The following TTBK1 variants were observed in gnomAD, a reference collection of about 807,000 sequenced individuals.
The protein encoded by TTBK1 is tau-tubulin kinase 1.
In TTBK1, 34 loss-of-function variants were observed where a neutral mutation model predicts 108.5. The observed-to-expected ratio is 0.31, with a 90% CI of 0.24 to 0.42. The LOEUF is 0.42. TTBK1 is among the 10% of genes least tolerant of loss of function. The probability of loss-of-function intolerance (pLI) is 1.00; values close to 1 mark genes in which losing one functional copy is unlikely to be tolerated. For missense variants in TTBK1, 1,539 were observed against 1,826.0 expected, an observed-to-expected ratio of 0.84 and a Z score of 2.86; for synonymous variants, 809 against 795.1, an observed-to-expected ratio of 1.02 and a Z score of -0.29.
intron 13 of TTBK1, among the ~76,000 whole-genome samples, chr6:43,277,913 G>C (rs1778052803): frequency 6.6e-6 from 1 of 152,210 alleles, no homozygotes; most frequent in Admixed American, 6.5e-5. Context: ...GGCAGTTTCT[G>C]AGAGAGGAGG....
At position 43,283,471 on chromosome 6, in the gene TTBK1, A is replaced by C; in HGVS notation, c.2731A>C (p.Thr911Pro). ...GAGLGAGTVT[T>P]GVGGVAVTSS... ...AGGGCTGGGGGCCGGGACAGTGACC[A>C]CAGGGGTCGGGGGCGTGGCAGTCAC... is the stretch of plus-strand genomic sequence containing the variant. The change falls in exon 14 of 15, where the codon ACA (threonine) becomes CCA (proline). Residue 911 changes from threonine to proline, a missense_variant. This residue lies in a region of TTBK1 where 1,055 missense variants were observed against 1,086.5 expected (regional missense o/e 0.97). Coordinates refer to ENST00000259750, the MANE Select transcript of TTBK1 (RefSeq NM_032538.3). The surrounding 1 kb of genome is among the most constrained non-coding windows in gnomAD (Gnocchi z 8.1). 7.4e-6 allele frequency: 12 copies of C among 1,614,092 alleles called. No individual in the cohort carries two copies. Among genetic ancestry groups the C allele is most frequent in the Non-Finnish European group, 1.0e-5 (12 of 1,179,966 alleles).
In TTBK1 at chr6:43,283,961, C is replaced by T. The variant is rs756275260; in HGVS notation, c.3221C>T (p.Ser1074Leu). The T allele has an allele frequency of 1.2e-5, 20 of 1,612,158 alleles. No homozygotes were observed. Among genetic ancestry groups the T allele is most frequent in the Non-Finnish European group, 1.4e-5 (17 of 1,179,162 alleles). ...GGCTCGGAGCCCTCAGGCTCACTGT[C>T]GGCCAAAGAGCGGTGGAGCAAGCGG... Reference protein sequence around the residue: ...DTGSEPSGSLSAKERWSKRAR... With the variant: ...DTGSEPSGSLLAKERWSKRAR... The change falls in exon 14 of 15, where the codon TCG becomes TTG. Residue 1074 changes from serine (S) to leucine (L), a missense_variant. Ser to Leu is a moderately radical substitution (Grantham distance 145, BLOSUM62 -2). Coordinates refer to ENST00000259750, the MANE Select transcript of TTBK1 (RefSeq NM_032538.3). The surrounding 1 kb of genome is among the most constrained non-coding windows in gnomAD (Gnocchi z 8.1).
At chr6:43,247,416 T>C (rs1777123467) in intron 2 of TTBK1, among the ~76,000 whole-genome samples, 1 of 152,092 alleles carries the variant, frequency 6.6e-6, no homozygotes, top group Non-Finnish European at 1.5e-5. Context: ...GCTGGGGGAA[T>C]GATAGTATTT....
Position 43,283,488 on chromosome 6 carries a change from G to A in TTBK1, c.2748G>A (p.Val916=). The change falls in exon 14 of 15, where the codon GTG becomes GTA. Residue 916 remains valine (V), a synonymous_variant. Transcript: ENST00000259750. This position sits in a 1 kb window ranked among gnomAD's most constrained non-coding sequence, Gnocchi z 8.1. ...CAGTGACCACAGGGGTCGGGGGCGT[G>A]GCAGTCACCTCCTCACCCTTCACCA... is the stretch of plus-strand genomic sequence containing the variant. The part of the protein sequence containing the change: ...AGTVTTGVGG[V]AVTSSPFTKV... The A allele has an allele frequency of 6.2e-7, 1 of 1,614,124 alleles. No homozygotes were observed. The highest frequency in any genetic ancestry group is 8.5e-7 in the Non-Finnish European group (1 of 1,179,986).
At chr6:43,266,671 C>A (rs1777684965) in intron 13 of TTBK1, among the ~76,000 whole-genome samples, 1 of 151,750 alleles carries the variant, frequency 6.6e-6, no homozygotes, top group Non-Finnish European at 1.5e-5. Flanking sequence ...GGCTGGAGTG[C>A]AATGGCGTGA....
intron 2 of TTBK1, among the ~76,000 whole-genome samples, chr6:43,247,594 G>A (rs530878433): frequency 6.6e-6 from 1 of 152,130 alleles, no homozygotes; most frequent in Non-Finnish European, 1.5e-5. Flanking sequence ...GGAGCCAGGG[G>A]GAGGGGAGGG....
At chr6:43,249,392 G>A (rs1267888031) in intron 2 of TTBK1, among the ~76,000 whole-genome samples, 1 of 152,078 alleles carries the variant, frequency 6.6e-6, no homozygotes, top group Non-Finnish European at 1.5e-5. Context: ...GAGACTGAGA[G>A]AATATTCCTA....
chr6:43,285,514 G>T lies in TTBK1; in HGVS notation c.*138G>T, dbSNP rs1778352326. The T allele has an allele frequency of 6.2e-6, 7 of 1,123,776 alleles. No individual in the cohort carries two copies. The highest frequency in any genetic ancestry group is 7.8e-6 in the Non-Finnish European group (7 of 896,550). The allele number at this position is 1,123,776 out of a possible 1,614,324, so 69.6% of individuals were successfully genotyped here. ...CGGCCCCAGCTTTCCGCCTGCACCC[G>T]CGAGGACGCGCGCGAGCACACGCGG... On this transcript the variant is annotated 3_prime_UTR_variant, in exon 15 of 15. Transcript: ENST00000259750. The surrounding 1 kb of genome is among the most constrained non-coding windows in gnomAD (Gnocchi z 4.7).
At position 43,286,063 on chromosome 6, in the gene TTBK1, T is replaced by C. The variant is rs1034022260; in HGVS notation, c.*687T>C. The stretch of plus-strand genomic sequence containing the variant: ...TCCTGGACAACTCGGTGAGAGGCAG[T>C]GGGCAAGTGATCTTGGAGATGGGTG... On this transcript the variant is annotated 3_prime_UTR_variant, in exon 15 of 15. Transcript: ENST00000259750. This position sits in a 1 kb window ranked among gnomAD's most constrained non-coding sequence, Gnocchi z 4.6. 1 of 152,740 alleles carries C rather than the reference T, an allele frequency of 6.5e-6. No individual in the cohort carries two copies. Among genetic ancestry groups the C allele is most frequent in the African/African-American group, 2.4e-5 (1 of 41,398 alleles). The allele number at this position is 152,740 out of a possible 1,614,324, so 9.5% of individuals were successfully genotyped here.
chr6:43,279,873 G>A (rs1056219299), intron 13 of TTBK1, among the ~76,000 whole-genome samples: 27 of 151,738 alleles, frequency 1.8e-4, no homozygotes, highest in African/African-American at 6.3e-4. Flanking sequence ...TCAGCCTCTC[G>A]AGTAGCTGGG....
At position 43,273,963 on chromosome 6, in the gene TTBK1, G is replaced by A. The variant is rs927075251; in HGVS notation, c.1987-8764G>A. On this transcript the variant is annotated intron_variant, in intron 13 of 14. Coordinates refer to ENST00000259750, the MANE Select transcript of TTBK1 (RefSeq NM_032538.3). The surrounding 1 kb of genome is among the most constrained non-coding windows in gnomAD (Gnocchi z 4.2). ...GAACTCGAACCTGGCCAGTGGGGATGTGTGGTGTGTGCTGTGTTTATACAT... is the reference window on the plus strand; with the variant it reads ...GAACTCGAACCTGGCCAGTGGGGATATGTGGTGTGTGCTGTGTTTATACAT... Among the ~76,000 whole-genome samples, 1 of 152,268 alleles carries A rather than the reference G, an allele frequency of 6.6e-6. No individual in the cohort carries two copies. Among genetic ancestry groups the A allele is most frequent in the African/African-American group, 2.4e-5 (1 of 41,548 alleles).
Position 43,257,847 on chromosome 6 carries a change from G to A in TTBK1, c.897G>A (p.Glu299=), listed in dbSNP as rs771526186. Residue 299 remains glutamate (E), a synonymous_variant, in exon 10 of 15, where the codon GAG becomes GAA. Coordinates refer to ENST00000259750, the MANE Select transcript of TTBK1 (RefSeq NM_032538.3). This position sits in a 1 kb window ranked among gnomAD's most constrained non-coding sequence, Gnocchi z 4.5. ...IMSVFENSMK[E]RGIAENEAFD... ...CAGTGTTTGAGAACAGCATGAAGGA[G>A]AGGGGCATTGCCGAGAATGAGGCCT... The A allele has an allele frequency of 8.1e-6, 13 of 1,613,892 alleles. No homozygotes were observed. Among genetic ancestry groups the A allele is most frequent in the Non-Finnish European group, 1.1e-5 (13 of 1,180,024 alleles).
At position 43,265,234 on chromosome 6, in the gene TTBK1, G is replaced by A. The variant is rs1345934865; in HGVS notation, c.1986+1884G>A. On this transcript the variant is annotated intron_variant, in intron 13 of 14. Transcript: ENST00000259750. This position sits in a 1 kb window ranked among gnomAD's most constrained non-coding sequence, Gnocchi z 4.1. The stretch of plus-strand genomic sequence containing the variant: ...CTAGGTGGCTCTGGGAGGTGCCCAG[G>A]TGTTGGGCCAGGGGCCAGTTCTACC... Among the ~76,000 whole-genome samples the A allele has an allele frequency of 2.6e-5, 4 of 152,200 alleles. No individual in the cohort carries two copies. Among genetic ancestry groups the A allele is most frequent in the African/African-American group, 9.6e-5 (4 of 41,458 alleles).
rs1207230293 is a variant in TTBK1 at position 43,257,275 on chromosome 6, C to G, written c.862-537C>G. Reference sequence around the variant, plus strand: ...AAAGCCACACAGCTGCGAGCACCCCCCAGGCTGGGGCCCTGTGCTGGCTGC... The same window carrying G: ...AAAGCCACACAGCTGCGAGCACCCCGCAGGCTGGGGCCCTGTGCTGGCTGC... On this transcript the variant is annotated intron_variant, in intron 9 of 14. Coordinates refer to ENST00000259750, the MANE Select transcript of TTBK1 (RefSeq NM_032538.3). The surrounding 1 kb of genome is among the most constrained non-coding windows in gnomAD (Gnocchi z 4.5). Among the ~76,000 whole-genome samples the G allele has an allele frequency of 1.3e-5, 2 of 152,330 alleles. No homozygotes were observed. The highest frequency in any genetic ancestry group is 2.1e-4 in the South Asian group (1 of 4,826).
intron 13 of TTBK1, among the ~76,000 whole-genome samples, chr6:43,264,149 AG>A (rs1477074382): frequency 6.6e-6 from 1 of 152,206 alleles, no homozygotes; most frequent in East Asian, 1.9e-4. Flanking sequence ...TGGGAGGCCA[AG>A]GTGGGCAGAT....
chr6:43,279,255 C>G (rs1489321807), intron 13 of TTBK1, among the ~76,000 whole-genome samples: 1 of 152,118 alleles, frequency 6.6e-6, no homozygotes, highest in Non-Finnish European at 1.5e-5. Flanking sequence ...GCGGGGGATC[C>G]CATCCTCTAC....
In TTBK1 at chr6:43,263,790, G is replaced by A. The variant is rs1259684774; in HGVS notation, c.1986+440G>A. Among the ~76,000 whole-genome samples, 1 of 152,222 alleles carries A rather than the reference G, an allele frequency of 6.6e-6. No individual in the cohort carries two copies. Among genetic ancestry groups the A allele is most frequent in the East Asian group, 1.9e-4 (1 of 5,196 alleles). ...CTGCAGGTTTGGTGAGCCACTGAAG[G>A]CTTTTAAACAGGAGTGCAATATGAT... On this transcript the variant is annotated intron_variant, in intron 13 of 14. Coordinates refer to ENST00000259750, the MANE Select transcript of TTBK1 (RefSeq NM_032538.3). This position sits in a 1 kb window ranked among gnomAD's most constrained non-coding sequence, Gnocchi z 4.7.
In TTBK1 at chr6:43,282,459, C is replaced by G. The variant is rs1380126639; in HGVS notation, c.1987-268C>G. 6.6e-6 allele frequency among the ~76,000 whole-genome samples: 1 copy of G among 152,208 alleles called. No individual in the cohort carries two copies. The highest frequency in any genetic ancestry group is 2.4e-5 in the African/African-American group (1 of 41,448). On this transcript the variant is annotated intron_variant, in intron 13 of 14. Coordinates refer to ENST00000259750, the MANE Select transcript of TTBK1 (RefSeq NM_032538.3). The surrounding 1 kb of genome is among the most constrained non-coding windows in gnomAD (Gnocchi z 5.4). Reference sequence around the variant, plus strand: ...TGGGAGGCAGAAAGGCCACCAGGATCAGGGCCTGGGACTTCAGGGGACCTA... The same window carrying G: ...TGGGAGGCAGAAAGGCCACCAGGATGAGGGCCTGGGACTTCAGGGGACCTA...
At position 43,283,708 on chromosome 6, in the gene TTBK1, G is replaced by A. The variant is rs759480554; in HGVS notation, c.2968G>A (p.Gly990Arg). 6.2e-7 allele frequency: 1 copy of A among 1,613,942 alleles called. No individual in the cohort carries two copies. Among genetic ancestry groups the A allele is most frequent in the South Asian group, 1.1e-5 (1 of 91,090 alleles). ...CGGCCTCGCCCTGTCAGGGCTGAAT[G>A]GGGCTGAGATAGAGGGCTCTGCCCT... ...ENGLALSGLN[G>R]AEIEGSALSG... is the part of the protein sequence containing the mutation. Residue 990 changes from glycine to arginine, a missense_variant, in exon 14 of 15, where the codon GGG (glycine) becomes AGG (arginine). Around this residue, in one of 5 missense-constraint regions of TTBK1, gnomAD observed 1,055 missense variants for 1,086.5 expected, o/e 0.97. Coordinates refer to ENST00000259750, the MANE Select transcript of TTBK1 (RefSeq NM_032538.3). This position sits in a 1 kb window ranked among gnomAD's most constrained non-coding sequence, Gnocchi z 8.1.
Sources: gnomAD v4.1 joint callset for allele counts (sites outside exome capture counted in the v4.1 genomes callset) on GRCh38, gnomAD v4.1.1 for gene constraint, gnomAD v4.1.1 regional missense constraint, Gnocchi (gnomAD v3.1) non-coding constraint, MANE v1.5 for transcripts, NCBI Gene and HGNC (gene_info 2026-07-23, HGNC 2026-07-21) for gene names.